Variants in SLC33A1 observed in about 807,000 individuals in gnomAD.
SLC33A1 encodes solute carrier family 33 member 1.
Under a neutral mutation model 50.0 loss-of-function variants are expected in SLC33A1, and 20 were observed. That is an observed-to-expected ratio of 0.40 (90% confidence interval 0.28 to 0.58). SLC33A1 has a LOEUF of 0.58. Among genes scored for constraint, SLC33A1 ranks in the 20% least tolerant of loss-of-function variants. The probability of loss-of-function intolerance (pLI) is 0.44; values close to 1 mark genes in which losing one functional copy is unlikely to be tolerated. For synonymous variants in SLC33A1, 265 were observed against 251.8 expected (o/e 1.05, Z -0.50); for missense variants, 476 against 657.0 (o/e 0.72, Z 3.01).
rs755877192 is a variant in SLC33A1, at chr3:155,833,883, G to A, written c.1122C>T (p.Asn374=). The change falls in exon 3 of 6, where the codon AAC becomes AAT. Residue 374 remains asparagine, a synonymous_variant. Transcript: ENST00000643144. ...TGTAGGGCATGGCTTTGTAAAATGT[G>A]TTTAATGGCTGGGGACCTGCAGTGT... is the stretch of plus-strand genomic sequence containing the variant. ...SKYTAGPQPL[N]TFYKAMPYRL... The A allele has an allele frequency of 6.2e-7, 1 of 1,613,718 alleles. No homozygotes were observed.
rs745923665 is a variant in SLC33A1, at chr3:155,833,903, C to A, written c.1102G>T (p.Ala368Ser). The A allele has an allele frequency of 2.1e-5, 34 of 1,613,726 alleles. No individual in the cohort carries two copies. The highest frequency in any genetic ancestry group is 5.3e-5 in the African/African-American group (4 of 74,874). ...ILPLIISKYT[A>S]GPQPLNTFYK... ...AATGTGTTTAATGGCTGGGGACCTG[C>A]AGTGTATTTGCTGATAATCAGAGGC... Residue 368 changes from alanine (A) to serine (S), a missense_variant, in exon 3 of 6, where the codon GCA becomes TCA. Ala to Ser is a moderately conservative substitution (Grantham distance 99). Coordinates refer to ENST00000643144, the MANE Select transcript of SLC33A1 (RefSeq NM_004733.4).
In SLC33A1 at chr3:155,824,636, A is replaced by C. The variant is rs1288117343; in HGVS notation, c.*3574T>G. On this transcript the variant is annotated 3_prime_UTR_variant, in exon 6 of 6. Coordinates refer to ENST00000643144, the MANE Select transcript of SLC33A1 (RefSeq NM_004733.4). ...TTCAACATTGTTTTCAGGATGTTTT[A>C]AACACTTTCACAACTATTACCTCAG... 3.9e-5 allele frequency: 6 copies of C among 151,978 alleles called. No individual in the cohort carries two copies. The highest frequency in any genetic ancestry group is 1.5e-4 in the African/African-American group (6 of 41,354). The allele number at this position is 151,978 out of a possible 1,614,324, so 9.4% of individuals were successfully genotyped here.
At position 155,823,710 on chromosome 3, in the gene SLC33A1, GT is replaced by G. The variant is rs1244788745; in HGVS notation, c.*4499del. On this transcript the variant is annotated 3_prime_UTR_variant, in exon 6 of 6. Transcript: ENST00000643144. ...GGTCTGCAGTAGGTGTTTTTGTTTT[GT>G]TTTTGTTTGTTTGTTTTTGAAACGG... The G allele has an allele frequency of 6.6e-6, 1 of 151,886 alleles. No homozygotes were observed. The highest frequency in any genetic ancestry group is 6.6e-5 in the Admixed American group (1 of 15,224). The allele number at this position is 151,886 out of a possible 1,614,324, so 9.4% of individuals were successfully genotyped here.
rs145075455 is a variant in SLC33A1 at position 155,833,721 on chromosome 3, A to T, written c.1148+136T>A. On this transcript the variant is annotated intron_variant, in intron 3 of 5. Coordinates refer to ENST00000643144, the MANE Select transcript of SLC33A1 (RefSeq NM_004733.4). ...TAGGAGGTTAAAAAGATAAAAGTGC[A>T]TATAAATAATATTGAAAAAAGATGC... 6,472 of 934,812 alleles carry T rather than the reference A, an allele frequency of 6.9e-3. 238 individuals are homozygous for T. Among genetic ancestry groups the T allele is most frequent in the South Asian group, 0.063 (4,564 of 72,608 alleles). The allele number at this position is 934,812 out of a possible 1,614,324, so 57.9% of individuals were successfully genotyped here.
chr3:155,842,439 G>C lies in SLC33A1; in HGVS notation c.956C>G (p.Thr319Ser), dbSNP rs371208781. The change falls in exon 2 of 6, where the codon ACT (threonine) becomes AGT (serine). Residue 319 changes from threonine to serine, a missense_variant. Physicochemically the swap from Thr to Ser is moderately conservative, Grantham distance 58 (BLOSUM62 1). Coordinates refer to ENST00000643144, the MANE Select transcript of SLC33A1 (RefSeq NM_004733.4). ...AVLTFCLLIL[T>S]AKIGFSAADA... ...GATTTATAAATCTCTTACCTTTGCA[G>C]TTAGAATCAGAAGGCAAAATGTCAG... The C allele has an allele frequency of 6.2e-7, 1 of 1,603,836 alleles. No homozygotes were observed.
intron 1 of SLC33A1, among the ~76,000 whole-genome samples, chr3:155,847,680 A>G (rs398618): frequency 0.98 from 148,861 of 151,850 alleles, 72,980 homozygotes; most frequent in East Asian, 1. Flanking sequence ...CCTGGGAGGC[A>G]GAAGTTGCAG....
chr3:155,839,906 C>G (rs1479713690), intron 2 of SLC33A1, among the ~76,000 whole-genome samples: 2 of 151,384 alleles, frequency 1.3e-5, no homozygotes, highest in African/African-American at 4.9e-5. Context: ...GATCGCGCCA[C>G]TGTACTCCAG....
At chr3:155,836,305 A>G (rs1560015310) in intron 2 of SLC33A1, among the ~76,000 whole-genome samples, 3 of 143,996 alleles carry the variant, frequency 2.1e-5, no homozygotes, top group African/African-American at 8.1e-5. Flanking sequence ...AAAAAAAAAA[A>G]AAAAAAAAGG....
chr3:155,842,106 A>C (rs1272689572), intron 2 of SLC33A1, among the ~76,000 whole-genome samples: 1 of 152,180 alleles, frequency 6.6e-6, no homozygotes, highest in Non-Finnish European at 1.5e-5. Context: ...CATTAAATGT[A>C]TACTCATTAT....
At chr3:155,829,936 T>C in intron 4 of SLC33A1, 33 bp from the exon 5 acceptor site, 2 of 1,225,398 alleles carry the variant, frequency 1.6e-6, no homozygotes, top group Non-Finnish European at 2.4e-6. Context: ...TTTAGTATGA[T>C]TATAAAGCTT....
chr3:155,828,427 A>G (rs1752276780), intron 5 of SLC33A1, 50 bp from the exon 6 acceptor site: 5 of 1,085,378 alleles, frequency 4.6e-6, no homozygotes, highest in African/African-American at 3.1e-5. Context: ...AAATGAAAGT[A>G]TTTAGCAATT....
rs144921458 is a variant in SLC33A1 at position 155,827,888 on chromosome 3, T to C, written c.*322A>G. 4.9e-4 allele frequency: 135 copies of C among 272,978 alleles called. No individual in the cohort carries two copies. Among genetic ancestry groups the C allele is most frequent in the African/African-American group, 2.8e-3 (123 of 44,622 alleles). 16.9% of individuals were successfully genotyped at this position (272,978 alleles called of 1,614,324 possible). A position where few individuals can be genotyped will look rare whatever the true frequency, so the allele number is the denominator to read the frequency against. ...GTACTAATAACAATACCTGACTACA[T>C]GGTTACCACCCGTGACTACTGCATT... On this transcript the variant is annotated 3_prime_UTR_variant, in exon 6 of 6. Coordinates refer to ENST00000643144, the MANE Select transcript of SLC33A1 (RefSeq NM_004733.4).
intron 1 of SLC33A1, among the ~76,000 whole-genome samples, chr3:155,849,331 C>T (rs1753305950): frequency 6.6e-6 from 1 of 152,042 alleles, no homozygotes; most frequent in Non-Finnish European, 1.5e-5. Context: ...ATTATATTTC[C>T]ATCATATAAT....
In SLC33A1 at chr3:155,828,261, T is replaced by C. The variant is rs1752269420; in HGVS notation, c.1599A>G (p.Lys533=). 6.2e-7 allele frequency: 1 copy of C among 1,613,332 alleles called. No individual in the cohort carries two copies. The highest frequency in any genetic ancestry group is 8.5e-7 in the Non-Finnish European group (1 of 1,179,380). ...AAGATGATCCTTCATCCTGTAACTT[T>C]TTAAATTTTGGACCAAGAAAGAACC... ...GWWFFLGPKF[K]KLQDEGSSSW... is the part of the protein sequence containing the mutation. Residue 533 remains lysine (K), a synonymous_variant, in exon 6 of 6, where the codon AAA becomes AAG. Transcript: ENST00000643144.
At chr3:155,850,112 G>C (rs745899379) in intron 1 of SLC33A1, among the ~76,000 whole-genome samples, 22 of 151,378 alleles carry the variant, frequency 1.5e-4, no homozygotes, top group Non-Finnish European at 2.9e-4. Context: ...AGGTTGAAGC[G>C]ATTCCCCTGC....
chr3:155,850,424 GT>G (rs1184923194), intron 1 of SLC33A1, among the ~76,000 whole-genome samples: 1 of 152,140 alleles, frequency 6.6e-6, no homozygotes, highest in Non-Finnish European at 1.5e-5. Flanking sequence ...TGAAATCAAG[GT>G]TTAAGAGGCC....
At position 155,828,043 on chromosome 3, in the gene SLC33A1, T is replaced by A. The variant is rs541339079; in HGVS notation, c.*167A>T. ...ACATTGACAAGGCAAAAAAAAAATA[T>A]GATCAAATATACAGAAAGGTTTCTA... On this transcript the variant is annotated 3_prime_UTR_variant, in exon 6 of 6. Transcript: ENST00000643144. 4 of 574,762 alleles carry A rather than the reference T, an allele frequency of 7.0e-6. No homozygotes were observed. In the East Asian group the frequency reaches 1.2e-4, roughly 17 times the overall value. The allele number at this position is 574,762 out of a possible 1,614,324, so 35.6% of individuals were successfully genotyped here. A position where few individuals can be genotyped will look rare whatever the true frequency, so the allele number is the denominator to read the frequency against.
chr3:155,833,851 T>A lies in SLC33A1; in HGVS notation c.1148+6A>T, dbSNP rs758988884. On this transcript the variant is annotated splice_donor_region_variant and intron_variant, in intron 3 of 5. Transcript: ENST00000643144. The stretch of plus-strand genomic sequence containing the variant: ...CTTATTTAGTAAGGTTTTATTTCAT[T>A]TTTACCTGTAGGGCATGGCTTTGTA... 19 of 1,609,330 alleles carry A rather than the reference T, an allele frequency of 1.2e-5. No homozygotes were observed. Among genetic ancestry groups the A allele is most frequent in the Admixed American group, 1.7e-5 (1 of 59,982 alleles).
At chr3:155,851,113 A>G (rs987864717) in intron 1 of SLC33A1, among the ~76,000 whole-genome samples, 1 of 151,814 alleles carries the variant, frequency 6.6e-6, no homozygotes, top group African/African-American at 2.4e-5. Flanking sequence ...GTGGTGGCAC[A>G]TGCCTGTAAT....
Sources: allele counts gnomAD v4.1 joint callset (sites outside exome capture counted in the v4.1 genomes callset), GRCh38; gene constraint gnomAD v4.1.1; transcripts MANE v1.5; gene names NCBI Gene and HGNC (gene_info 2026-07-23, HGNC 2026-07-21).